The following ZNF232 variants were observed in gnomAD, a reference collection of about 807,000 sequenced individuals.
The protein encoded by ZNF232 is zinc finger and SCAN domain-containing protein 11.
A neutral mutation model predicts 25.2 loss-of-function variants in ZNF232; 25 were observed. The observed-to-expected ratio is 0.99, with a 90% CI of 0.72 to 1.39. ZNF232 has a LOEUF of 1.39. Among genes scored for constraint, ZNF232 ranks in the 40% most tolerant of loss-of-function variants. The pLI is 0.00. For synonymous variants in ZNF232, 193 were observed against 182.9 expected, an observed-to-expected ratio of 1.06 and a Z score of -0.45; for missense variants, 519 against 520.9, an observed-to-expected ratio of 1.00 and a Z score of 0.04.
At chr17:5,122,482 C>T (rs1347710771) in intron 1 of ZNF232, among the ~76,000 whole-genome samples, 2 of 152,234 alleles carry the variant, frequency 1.3e-5, no homozygotes, top group Non-Finnish European at 2.9e-5. Flanking sequence ...GTTTTTCCAT[C>T]AAGGTTTTTC....
At chr17:5,120,509 G>GTGTC (rs546927224) in intron 1 of ZNF232, 101 of 336,276 alleles carry the variant, frequency 3.0e-4, no homozygotes, top group African/African-American at 3.4e-4. Flanking sequence ...TGGCCTATCT[G>GTGTC]TGTCTGTCTG....
At chr17:5,109,601 C>G (rs141525328) in exon 2 of ZNF232, 1 of 1,614,222 alleles carries the variant, frequency 6.2e-7, no homozygotes, top group Non-Finnish European at 8.5e-7. Flanking sequence ...GTAGTTGGCT[C>G]AAGGCCTCCC....
chr17:5,111,869 G>C, upstream of ZNF232: 1 of 1,612,030 alleles, frequency 6.2e-7, no homozygotes, highest in Non-Finnish European at 8.5e-7. Context: ...CACCCCAGGG[G>C]CAGGTTTGCG....
At chr17:5,115,451 T>G (rs1460860227), upstream of ZNF232, among the ~76,000 whole-genome samples, 1 of 151,954 alleles carries the variant, frequency 6.6e-6, no homozygotes, top group African/African-American at 2.4e-5. Context: ...CTCGGGAGGC[T>G]GAGGCGGGAC....
chr17:5,109,387 T>A lies in ZNF232; in HGVS notation c.498+7A>T. The A allele has an allele frequency of 6.2e-7, 1 of 1,614,102 alleles. No individual in the cohort carries two copies. The highest frequency in any genetic ancestry group is 8.5e-7 in the Non-Finnish European group (1 of 1,179,986). On this transcript the variant is annotated splice_region_variant and intron_variant, in intron 2 of 3. Transcript: ENST00000575898. ...GCTCCCATAACAGACCAAATCCCCC[T>A]TCCCACCTGCGGCTCTGGTTCAAGT...
chr17:5,121,107 T>C (rs2143712655), intron 1 of ZNF232, among the ~76,000 whole-genome samples: 1 of 152,310 alleles, frequency 6.6e-6, no homozygotes, highest in Non-Finnish European at 1.5e-5. Context: ...GTGTCTCCAG[T>C]GTCCTAGGGA....
At chr17:5,105,973 A>G in exon 4 of ZNF232, 1 of 1,614,150 alleles carries the variant, frequency 6.2e-7, no homozygotes, top group Non-Finnish European at 8.5e-7. Flanking sequence ...CTTTGACTAA[A>G]GGCCTTCCCA....
chr17:5,108,045 G>A (rs1485611431), intron 3 of ZNF232, among the ~76,000 whole-genome samples: 2 of 152,162 alleles, frequency 1.3e-5, no homozygotes, highest in African/African-American at 4.8e-5. Context: ...AAGGAAGAAA[G>A]AAGAGCTAAG....
intron 3 of ZNF232, among the ~76,000 whole-genome samples, chr17:5,107,394 G>GA (rs749338515): frequency 0.33 from 20,220 of 61,624 alleles, 2,128 homozygotes; most frequent in Middle Eastern, 0.39. Context: ...TCTCAAAAAG[G>GA]AAAAAAAAAA....
upstream of ZNF232, chr17:5,111,945 G>C (rs1490591857): frequency 3.5e-6 from 5 of 1,426,598 alleles, no homozygotes; most frequent in Admixed American, 9.4e-5. Flanking sequence ...TTCCGTTCGC[G>C]GACTTTGGCC....
intron 1 of ZNF232, among the ~76,000 whole-genome samples, chr17:5,117,561 A>G (rs1221637542): frequency 1.3e-5 from 2 of 152,050 alleles, no homozygotes; most frequent in Non-Finnish European, 2.9e-5. Context: ...GCACAAGTGA[A>G]TAAATGGGGT....
At chr17:5,114,239 A>G (rs1193336191), upstream of ZNF232, 1 of 152,196 alleles carries the variant, frequency 6.6e-6, no homozygotes, top group Admixed American at 6.6e-5. Flanking sequence ...GCTACATTCC[A>G]AAACTTTATC....
At chr17:5,108,239 G>A (rs556280563) in intron 3 of ZNF232, among the ~76,000 whole-genome samples, 13 of 152,254 alleles carry the variant, frequency 8.5e-5, no homozygotes, top group South Asian at 8.3e-4. Context: ...TTCACAATAC[G>A]GTCACAAGGC....
intron 1 of ZNF232, 159 bp downstream of exon 1, chr17:5,111,641 G>A: frequency 9.4e-7 from 1 of 1,063,124 alleles, no homozygotes; most frequent in Non-Finnish European, 1.4e-6. Flanking sequence ...CGCAACGCAG[G>A]TAGCGCAGCG....
At chr17:5,111,962 C>A (rs113640298), upstream of ZNF232, 3,636 of 1,292,554 alleles carry the variant, frequency 2.8e-3, 50 homozygotes, top group African/African-American at 0.035. Context: ...GGCCCAGGCG[C>A]GTGGGCGCTG....
upstream of ZNF232, chr17:5,116,344 G>T (rs369165972): frequency 7.3e-6 from 1 of 137,650 alleles, no homozygotes; most frequent in Non-Finnish European, 1.7e-5. Flanking sequence ...CCGGCTTCCC[G>T]GGGCTTAGGC....
chr17:5,108,732 TAG>T, intron 3 of ZNF232, 192 bp downstream of exon 3: 1 of 731,764 alleles, frequency 1.4e-6, no homozygotes, highest in Non-Finnish European at 2.1e-6. Context: ...TCTTATGAGG[TAG>T]TTTATTCTTA....
chr17:5,121,340 C>G, intron 1 of ZNF232: 1 of 344,112 alleles, frequency 2.9e-6, no homozygotes, highest in Non-Finnish European at 5.7e-6. Context: ...TTCTGAAAAT[C>G]TCCTGAAACC....
intron 1 of ZNF232, among the ~76,000 whole-genome samples, chr17:5,118,860 G>C (rs2072589814): frequency 6.6e-6 from 1 of 152,154 alleles, no homozygotes; most frequent in African/African-American, 2.4e-5. Context: ...CTGAGTCTGG[G>C]GTCTTTATAG....
Sources: allele counts gnomAD v4.1 joint callset (sites outside exome capture counted in the v4.1 genomes callset), GRCh38; gene constraint gnomAD v4.1.1; transcripts MANE v1.5; gene names NCBI Gene and HGNC (gene_info 2026-07-23, HGNC 2026-07-21).